Variants in PTPRN2 observed in about 807,000 individuals in gnomAD.
PTPRN2 encodes protein tyrosine phosphatase receptor type N2, also known as receptor-type tyrosine-protein phosphatase N2.
PTPRN2 carries 74 observed loss-of-function variants against 118.8 expected under a neutral mutation model. The observed-to-expected ratio is 0.62, with a 90% CI of 0.52 to 0.76. The LOEUF is 0.76. Among genes scored for constraint, PTPRN2 ranks in the 30% least tolerant of loss-of-function variants. The pLI is 0.00. For missense variants in PTPRN2, 1,481 were observed against 1,394.4 expected, an observed-to-expected ratio of 1.06 and a Z score of -0.99; for synonymous variants, 641 against 608.0, an observed-to-expected ratio of 1.05 and a Z score of -0.80.
At chr7:157,910,455 C>G (rs1300309025) in intron 11 of PTPRN2, among the ~76,000 whole-genome samples, 1 of 141,376 alleles carries the variant, frequency 7.1e-6, no homozygotes, top group South Asian at 2.4e-4. Flanking sequence ...GCACGTACGC[C>G]GGATCACGCA....
At chr7:158,114,581 A>C (rs1327220024) in intron 9 of PTPRN2, among the ~76,000 whole-genome samples, 1 of 152,202 alleles carries the variant, frequency 6.6e-6, no homozygotes, top group Non-Finnish European at 1.5e-5. Context: ...GGAGCTATGG[A>C]AGCAGAGATG....
chr7:158,082,327 G>A (rs1812905133), intron 10 of PTPRN2, among the ~76,000 whole-genome samples: 1 of 152,166 alleles, frequency 6.6e-6, no homozygotes, highest in Non-Finnish European at 1.5e-5. Context: ...GGCAGCATAT[G>A]ACACCCAGGC....
At chr7:158,266,964 C>T (rs1004603478) in intron 3 of PTPRN2, among the ~76,000 whole-genome samples, 6 of 152,150 alleles carry the variant, frequency 3.9e-5, no homozygotes, top group Non-Finnish European at 8.8e-5. Flanking sequence ...CTCCCTCCCA[C>T]GTCTACATCC....
chr7:157,761,401 G>A (rs1211332794), intron 12 of PTPRN2, among the ~76,000 whole-genome samples: 3 of 149,054 alleles, frequency 2.0e-5, no homozygotes, highest in African/African-American at 7.5e-5. Flanking sequence ...CCAAAACAGA[G>A]ATATAGATCA....
intron 1 of PTPRN2, among the ~76,000 whole-genome samples, chr7:158,513,737 T>C (rs1823341709): frequency 6.6e-6 from 1 of 152,212 alleles, no homozygotes; most frequent in Non-Finnish European, 1.5e-5. Context: ...AAAAACAAGA[T>C]GTAAATGTGG....
At chr7:157,825,045 C>T (rs527253545) in intron 12 of PTPRN2, among the ~76,000 whole-genome samples, 9 of 152,310 alleles carry the variant, frequency 5.9e-5, no homozygotes, top group South Asian at 4.1e-4. Context: ...TCAGGGCAAA[C>T]GAGGATTCTT....
At chr7:158,336,508 C>T (rs1387138788) in intron 2 of PTPRN2, among the ~76,000 whole-genome samples, 2 of 132,200 alleles carry the variant, frequency 1.5e-5, no homozygotes, top group Non-Finnish European at 3.3e-5. Context: ...GTCACTCACA[C>T]CCACACTCTC....
At chr7:158,158,227 A>G (rs1482452082) in intron 6 of PTPRN2, among the ~76,000 whole-genome samples, 1 of 152,226 alleles carries the variant, frequency 6.6e-6, no homozygotes, top group Non-Finnish European at 1.5e-5. Flanking sequence ...AAGTGACAGA[A>G]GCATTGGTAT....
At chr7:157,772,104 T>TAC (rs1160156324) in intron 12 of PTPRN2, among the ~76,000 whole-genome samples, 6 of 130,300 alleles carry the variant, frequency 4.6e-5, no homozygotes, top group Non-Finnish European at 3.2e-5. Flanking sequence ...CACACATGGA[T>TAC]ACACACACAC....
chr7:157,586,945 C>T (rs1800709045), intron 17 of PTPRN2, among the ~76,000 whole-genome samples: 1 of 152,178 alleles, frequency 6.6e-6, no homozygotes, highest in African/African-American at 2.4e-5. Flanking sequence ...CGGGGCCAGG[C>T]CAGGGTCATC....
intron 9 of PTPRN2, among the ~76,000 whole-genome samples, chr7:158,125,102 G>C (rs778505053): frequency 6.6e-6 from 1 of 152,288 alleles, no homozygotes; most frequent in African/African-American, 2.4e-5. Context: ...CTGAGCTGCC[G>C]GGCTGGCGAG....
chr7:158,213,697 T>C (rs1405610051), intron 3 of PTPRN2, among the ~76,000 whole-genome samples: 1 of 152,184 alleles, frequency 6.6e-6, no homozygotes, highest in Non-Finnish European at 1.5e-5. Context: ...CTTGGGAGTA[T>C]ACTCAACTGA....
intron 2 of PTPRN2, among the ~76,000 whole-genome samples, chr7:158,329,078 G>C (rs1279933643): frequency 6.6e-6 from 1 of 152,226 alleles, no homozygotes; most frequent in Admixed American, 6.5e-5. Flanking sequence ...AGTGAGGCCT[G>C]GGATGGCAAA....
At chr7:157,663,422 G>GACAGAA (rs1471414872) in intron 13 of PTPRN2, among the ~76,000 whole-genome samples, 4 of 152,200 alleles carry the variant, frequency 2.6e-5, no homozygotes, top group Non-Finnish European at 5.9e-5. Context: ...ATCTACTGGA[G>GACAGAA]ACAGAAACAG....
chr7:157,850,526 A>G (rs2151203469), intron 12 of PTPRN2, among the ~76,000 whole-genome samples: 1 of 152,360 alleles, frequency 6.6e-6, no homozygotes, highest in East Asian at 1.9e-4. Flanking sequence ...AAGCTGTGAG[A>G]AAGAAGCACA....
At chr7:158,274,489 C>T (rs183550324) in intron 3 of PTPRN2, among the ~76,000 whole-genome samples, 16 of 144,216 alleles carry the variant, frequency 1.1e-4, no homozygotes, top group East Asian at 1.1e-3. Flanking sequence ...CACGAGGAGC[C>T]GCAGGCACAG....
intron 2 of PTPRN2, among the ~76,000 whole-genome samples, chr7:158,332,030 C>A (rs1338494768): frequency 2.0e-5 from 3 of 151,068 alleles, no homozygotes; most frequent in African/African-American, 7.4e-5. Flanking sequence ...ACGTCACTGA[C>A]ACCCACACTC....
rs548271039 is a variant in PTPRN2, at chr7:157,677,681, A to G, written c.2001+5044T>C. ...CTGACCCCACATACTGATGATCTAT[A>G]CTGAACACACAGGCAAACAAAAACA... On this transcript the variant is annotated intron_variant, in intron 13 of 22. Coordinates refer to ENST00000389418, the MANE Select transcript of PTPRN2 (RefSeq NM_002847.5). Among the ~76,000 whole-genome samples the G allele has an allele frequency of 7.9e-5, 12 of 152,304 alleles. No individual in the cohort carries two copies. The South Asian group carries it at 2.3e-3, about 29-fold the overall frequency.
intron 15 of PTPRN2, chr7:157,613,980 A>G (rs1563263281): frequency 2.1e-6 from 1 of 470,162 alleles, no homozygotes; most frequent in Non-Finnish European, 4.4e-6. Flanking sequence ...CTGTGAGCTC[A>G]CAGGGCTGGC....
Sources: gnomAD v4.1 joint callset for allele counts (sites outside exome capture counted in the v4.1 genomes callset) on GRCh38, gnomAD v4.1.1 for gene constraint, MANE v1.5 for transcripts, NCBI Gene and HGNC (gene_info 2026-07-23, HGNC 2026-07-21) for gene names.